Variants in XPR1 observed in about 807,000 individuals in gnomAD.
XPR1 encodes solute carrier family 53 member 1.
In XPR1, 28 loss-of-function variants were observed where a neutral mutation model predicts 87.5. The observed-to-expected ratio is 0.32, with a 90% CI of 0.24 to 0.44. The LOEUF is 0.44. Ranked by LOEUF, XPR1 falls within the 20% of genes least tolerant of loss-of-function variation. The pLI is 1.00. For missense variants in XPR1, 559 were observed against 862.3 expected (o/e 0.65, Z 4.41); for synonymous variants, 300 against 306.1 (o/e 0.98, Z 0.21).
chr1:180,733,075 G>A (rs1426768307), intron 2 of XPR1, among the ~76,000 whole-genome samples: 3 of 152,140 alleles, frequency 2.0e-5, no homozygotes, highest in Admixed American at 6.5e-5. Context: ...ACGTCCAGCC[G>A]CCTGTGTGTT....
intron 1 of XPR1, 125 bp downstream of exon 1, chr1:180,632,395 GGGGAGCCACTGCGGCATCCCCGC>G: frequency 7.8e-7 from 1 of 1,281,076 alleles, no homozygotes; most frequent in South Asian, 1.3e-5. Context: ...CCGCTGCCGC[GGGGAGCCACTGCGGCATCCCCGC>G]CGCGGCCGGC....
Position 180,889,895 on chromosome 1 carries a change from T to A in XPR1, c.*5829T>A, listed in dbSNP as rs190416710. ...AAAAGTAACTATGGATTGTGATTAG[T>A]CCTCTGTGGGTGCTTCCTTCCCTCT... is the stretch of plus-strand genomic sequence containing the variant. On this transcript the variant is annotated 3_prime_UTR_variant, in exon 15 of 15. Transcript: ENST00000367590. The A allele has an allele frequency of 2.0e-4, 30 of 152,354 alleles. No individual in the cohort carries two copies. The highest frequency in any genetic ancestry group is 6.5e-4 in the African/African-American group (27 of 41,576). The allele number at this position is 152,354 out of a possible 1,614,324, so 9.4% of individuals were successfully genotyped here.
intron 11 of XPR1, among the ~76,000 whole-genome samples, chr1:180,857,021 A>G (rs550667801): frequency 6.6e-6 from 1 of 152,352 alleles, no homozygotes; most frequent in Non-Finnish European, 1.5e-5. Context: ...GAAGGATATC[A>G]ATTTTATTTT....
chr1:180,762,003 C>T (rs1436950955), intron 2 of XPR1, among the ~76,000 whole-genome samples: 2 of 151,694 alleles, frequency 1.3e-5, no homozygotes. Context: ...CCATCATTCT[C>T]AGCAAACTAT....
rs557309627 is a variant in XPR1, at chr1:180,740,001, C to T, written c.122-47752C>T. On this transcript the variant is annotated intron_variant, in intron 2 of 14. Coordinates refer to ENST00000367590, the MANE Select transcript of XPR1 (RefSeq NM_004736.4). ...TGCTGGGATTACAGGTGTGAGCCAC[C>T]GTGCCCGACCAATTTTTTTTAAATA... Among the ~76,000 whole-genome samples, 47 of 152,150 alleles carry T rather than the reference C, an allele frequency of 3.1e-4. 2 individuals carry two copies. The South Asian group carries it at 8.5e-3, about 28-fold the overall frequency.
intron 2 of XPR1, among the ~76,000 whole-genome samples, chr1:180,726,165 C>T (rs1176693062): frequency 2.0e-5 from 3 of 152,046 alleles, no homozygotes; most frequent in African/African-American, 4.8e-5. Flanking sequence ...CACCAATCAG[C>T]GCTATGTGTC....
chr1:180,811,522 T>C (rs1439103100), intron 7 of XPR1, 34 bp downstream of exon 7: 1 of 1,540,410 alleles, frequency 6.5e-7, no homozygotes. Context: ...AATTTATTCT[T>C]ACCAATATGC....
At chr1:180,803,855 G>A (rs1489360948) in intron 4 of XPR1, among the ~76,000 whole-genome samples, 1 of 152,118 alleles carries the variant, frequency 6.6e-6, no homozygotes, top group Admixed American at 6.5e-5. Context: ...AATATTTAGG[G>A]ATAGTCCACA....
chr1:180,760,276 G>A (rs983556578), intron 2 of XPR1, among the ~76,000 whole-genome samples: 2 of 152,142 alleles, frequency 1.3e-5, no homozygotes, highest in African/African-American at 4.8e-5. Flanking sequence ...CAAACAGGCA[G>A]GAGAAGGAAA....
At chr1:180,650,183 G>A (rs1655249350) in intron 1 of XPR1, among the ~76,000 whole-genome samples, 2 of 146,436 alleles carry the variant, frequency 1.4e-5, no homozygotes, top group Non-Finnish European at 3.0e-5. Flanking sequence ...GAAAGAAGAT[G>A]TATATAGTCA....
At chr1:180,816,326 A>G (rs1033830280) in intron 7 of XPR1, among the ~76,000 whole-genome samples, 3 of 152,206 alleles carry the variant, frequency 2.0e-5, no homozygotes, top group African/African-American at 7.2e-5. Context: ...TGAGAATCTA[A>G]TGCCGTTGAT....
chr1:180,803,692 C>A, intron 4 of XPR1, 81 bp downstream of exon 4: 1 of 1,233,950 alleles, frequency 8.1e-7, no homozygotes, highest in Non-Finnish European at 1.1e-6. Context: ...TAAAGTATTA[C>A]CAGTGGGTCA....
chr1:180,787,648 AGTT>A, intron 2 of XPR1, 102 bp from the exon 3 acceptor site: 1 of 758,248 alleles, frequency 1.3e-6, no homozygotes, highest in East Asian at 2.7e-5. Flanking sequence ...ATACATATAA[AGTT>A]GTCATTTTAA....
In XPR1 at chr1:180,704,225, CAAG is replaced by C. The variant is rs1051387474; in HGVS notation, c.121+21817_121+21819del. ...ATATAATGTGTGTATGTATTTTTCT[CAAG>C]AACACTATAGGTGCTGGATATATAT... On this transcript the variant is annotated intron_variant, in intron 2 of 14. Transcript: ENST00000367590. Among the ~76,000 whole-genome samples, 6 of 111,850 alleles carry C rather than the reference CAAG, an allele frequency of 5.4e-5. 1 individual carries two copies. The Admixed American group carries it at 6.2e-4, about 12-fold the overall frequency. The allele number at this position is 111,850 out of a possible 152,430, so 73.4% of individuals were successfully genotyped here.
At chr1:180,646,069 G>A (rs995771325) in intron 1 of XPR1, among the ~76,000 whole-genome samples, 2 of 152,178 alleles carry the variant, frequency 1.3e-5, no homozygotes, top group African/African-American at 4.8e-5. Flanking sequence ...TTACCTTGTT[G>A]TTAACGTCGG....
chr1:180,657,932 T>C (rs565142493), intron 1 of XPR1, among the ~76,000 whole-genome samples: 1 of 152,318 alleles, frequency 6.6e-6, no homozygotes, highest in East Asian at 1.9e-4. Context: ...GGAATATCTT[T>C]CCATTTTTTG....
At chr1:180,656,133 A>C (rs1227970259) in intron 1 of XPR1, among the ~76,000 whole-genome samples, 1 of 149,604 alleles carries the variant, frequency 6.7e-6, no homozygotes, top group Non-Finnish European at 1.5e-5. Flanking sequence ...CTATCCTTCT[A>C]CTCTGTATTT....
At chr1:180,840,278 G>A (rs1571886049) in intron 11 of XPR1, among the ~76,000 whole-genome samples, 1 of 151,284 alleles carries the variant, frequency 6.6e-6, no homozygotes, top group South Asian at 2.1e-4. Context: ...TTCCTAGTAT[G>A]GGAGTGACAG....
chr1:180,834,393 A>T (rs902483564), intron 9 of XPR1, among the ~76,000 whole-genome samples: 1 of 152,200 alleles, frequency 6.6e-6, no homozygotes, highest in African/African-American at 2.4e-5. Flanking sequence ...ATAAATTTTT[A>T]AAGTACAACT....
Sources: allele counts gnomAD v4.1 joint callset (sites outside exome capture counted in the v4.1 genomes callset), GRCh38; gene constraint gnomAD v4.1.1; transcripts MANE v1.5; gene names NCBI Gene and HGNC (gene_info 2026-07-23, HGNC 2026-07-21).